SGIP1: variants seen among roughly 807,000 people sequenced by gnomAD.
SGIP1 encodes the protein SH3-containing GRB2-like protein 3-interacting protein 1.
In SGIP1, 38 loss-of-function variants were observed where a neutral mutation model predicts 107.5. The observed-to-expected ratio is 0.35, with a 90% CI of 0.27 to 0.46. The LOEUF (loss-of-function observed/expected upper bound fraction) is 0.46, where lower values mean the gene tolerates loss of function less well. SGIP1 is among the 20% of genes least tolerant of loss of function. SGIP1 has a pLI of 1.00. For synonymous variants in SGIP1, 365 were observed against 366.1 expected (o/e 1.00, Z 0.03); for missense variants, 929 against 1,019.5 (o/e 0.91, Z 1.21).
chr1:66,682,307 C>T lies in SGIP1; in HGVS notation c.1253C>T (p.Thr418Ile), dbSNP rs2086909216. 6.2e-7 allele frequency: 1 copy of T among 1,614,118 alleles called. No individual in the cohort carries two copies. The highest frequency in any genetic ancestry group is 1.7e-5 in the Admixed American group (1 of 60,014). The change falls in exon 15 of 25, where the codon ACC becomes ATC. Residue 418 changes from threonine to isoleucine, a missense_variant. Transcript: ENST00000371037. ...RATPPPPPPP[T>I]YRTVVSSPGP... ...ACTCCACCTCCCCCACCACCACCCACCTACAGGACTGTGGTTTCGTCCCCC... is the reference window on the plus strand; with the variant it reads ...ACTCCACCTCCCCCACCACCACCCATCTACAGGACTGTGGTTTCGTCCCCC...
chr1:66,733,076 C>G (rs907722110), intron 20 of SGIP1, among the ~76,000 whole-genome samples: 3 of 152,180 alleles, frequency 2.0e-5, no homozygotes, highest in Admixed American at 6.5e-5. Flanking sequence ...AAAGCTAAGA[C>G]TCTCATAGGG....
chr1:66,699,502 T>G (rs2091545105), intron 18 of SGIP1, among the ~76,000 whole-genome samples: 2 of 152,204 alleles, frequency 1.3e-5, no homozygotes, highest in African/African-American at 2.4e-5. Context: ...CTCTTGATTT[T>G]TGCTCCAAGA....
intron 1 of SGIP1, among the ~76,000 whole-genome samples, chr1:66,563,849 G>A (rs889070667): frequency 1.3e-5 from 2 of 152,000 alleles, no homozygotes; most frequent in Non-Finnish European, 2.9e-5. Context: ...CTAGCAAAGA[G>A]AAAGATGAAT....
chr1:66,568,819 C>G (rs1370417871), intron 1 of SGIP1, among the ~76,000 whole-genome samples: 3 of 151,784 alleles, frequency 2.0e-5, no homozygotes, highest in African/African-American at 4.8e-5. Flanking sequence ...ATTCAACATC[C>G]CTTCATGTTA....
intron 19 of SGIP1, among the ~76,000 whole-genome samples, chr1:66,724,996 T>C (rs2093692884): frequency 6.6e-6 from 1 of 152,186 alleles, no homozygotes; most frequent in Non-Finnish European, 1.5e-5. Context: ...TAGACTCAGC[T>C]TGAGGGGAAA....
chr1:66,638,606 T>A (rs2076223951), intron 4 of SGIP1, among the ~76,000 whole-genome samples: 1 of 152,176 alleles, frequency 6.6e-6, no homozygotes, highest in South Asian at 2.1e-4. Context: ...GAACACATTA[T>A]CTATTTCTTG....
chr1:66,713,653 ACTCCATAGG>A, intron 18 of SGIP1, among the ~76,000 whole-genome samples: 1 of 151,750 alleles, frequency 6.6e-6, no homozygotes, highest in East Asian at 1.9e-4. Context: ...TATACAATAA[ACTCCATAGG>A]GGGAAGGATA....
chr1:66,615,478 G>A (rs1429917840), intron 1 of SGIP1, among the ~76,000 whole-genome samples: 5 of 152,152 alleles, frequency 3.3e-5, no homozygotes, highest in Admixed American at 6.5e-5. Flanking sequence ...TAACTTGAAC[G>A]ATTAAATGAT....
intron 1 of SGIP1, among the ~76,000 whole-genome samples, chr1:66,579,041 C>A (rs6697088): frequency 1.3e-5 from 2 of 152,052 alleles, no homozygotes; most frequent in Non-Finnish European, 2.9e-5. Flanking sequence ...AGACACATCT[C>A]TAACCATGTG....
At chr1:66,615,173 T>G (rs1454543798) in intron 1 of SGIP1, among the ~76,000 whole-genome samples, 1 of 149,798 alleles carries the variant, frequency 6.7e-6, no homozygotes, top group Non-Finnish European at 1.5e-5. Flanking sequence ...TTGCTCTTGT[T>G]GCCCAGGCTG....
rs971851580 is a variant in SGIP1, at chr1:66,748,265, C to G, written c.*5170C>G. On this transcript the variant is annotated 3_prime_UTR_variant, in exon 25 of 25. Coordinates refer to ENST00000371037, the MANE Select transcript of SGIP1 (RefSeq NM_032291.4). Reference sequence around the variant, plus strand: ...AGGAAAATGAGATAGGAGTACATTGCTTAAGTCTCTAAATATTAAAAACAA... The same window carrying G: ...AGGAAAATGAGATAGGAGTACATTGGTTAAGTCTCTAAATATTAAAAACAA... The G allele has an allele frequency of 1.3e-5, 2 of 151,928 alleles. No individual in the cohort carries two copies. The highest frequency in any genetic ancestry group is 4.8e-5 in the African/African-American group (2 of 41,436). 9.4% of individuals were successfully genotyped at this position (151,928 alleles called of 1,614,324 possible).
Position 66,747,175 on chromosome 1 carries a change from A to G in SGIP1, c.*4080A>G, listed in dbSNP as rs1461372043. 1 of 152,104 alleles carries G rather than the reference A, an allele frequency of 6.6e-6. No homozygotes were observed. The highest frequency in any genetic ancestry group is 1.5e-5 in the Non-Finnish European group (1 of 67,924). The allele number at this position is 152,104 out of a possible 1,614,324, so 9.4% of individuals were successfully genotyped here. On this transcript the variant is annotated 3_prime_UTR_variant, in exon 25 of 25. Coordinates refer to ENST00000371037, the MANE Select transcript of SGIP1 (RefSeq NM_032291.4). ...ACACAGTAGGCATCGATAAATTTGT[A>G]TTGACAGCATAAACTTCTAGGGATG...
chr1:66,662,854 G>A (rs1479897736), intron 8 of SGIP1, among the ~76,000 whole-genome samples: 1 of 152,110 alleles, frequency 6.6e-6, no homozygotes, highest in Non-Finnish European at 1.5e-5. Flanking sequence ...AAAACAAGTA[G>A]ACCACTTGCA....
At chr1:66,653,936 C>T (rs1157788330) in intron 7 of SGIP1, among the ~76,000 whole-genome samples, 1 of 152,108 alleles carries the variant, frequency 6.6e-6, no homozygotes, top group Non-Finnish European at 1.5e-5. Context: ...TTTACAGAAG[C>T]CTACTTTGTG....
chr1:66,585,592 GTTTTGTTTTGT>G (rs1011487957), intron 1 of SGIP1, among the ~76,000 whole-genome samples: 1 of 149,066 alleles, frequency 6.7e-6, no homozygotes, highest in African/African-American at 2.5e-5. Context: ...GTGTGTGTGT[GTTTTGTTTTGT>G]TTTTGTTTTT....
intron 2 of SGIP1, among the ~76,000 whole-genome samples, chr1:66,627,066 C>T (rs1216040635): frequency 6.6e-6 from 1 of 152,058 alleles, no homozygotes; most frequent in Non-Finnish European, 1.5e-5. Flanking sequence ...AATGAGGTAA[C>T]ATATTTGAAA....
chr1:66,625,206 T>C (rs1350709832), intron 1 of SGIP1, among the ~76,000 whole-genome samples: 3 of 152,112 alleles, frequency 2.0e-5, no homozygotes, highest in Admixed American at 6.5e-5. Context: ...AGACATTTGG[T>C]CTGGGCCTTA....
chr1:66,720,308 A>T (rs921609156), intron 19 of SGIP1, among the ~76,000 whole-genome samples: 1 of 152,252 alleles, frequency 6.6e-6, no homozygotes, highest in African/African-American at 2.4e-5. Context: ...TATTTTCAAT[A>T]GTGTCATTAA....
At chr1:66,669,468 G>A (rs188097425) in intron 9 of SGIP1, among the ~76,000 whole-genome samples, 4 of 152,242 alleles carry the variant, frequency 2.6e-5, no homozygotes, top group African/African-American at 9.6e-5. Context: ...TGACTGCTTG[G>A]AACTAAAGCC....
Sources: allele counts gnomAD v4.1 joint callset (sites outside exome capture counted in the v4.1 genomes callset), GRCh38; gene constraint gnomAD v4.1.1; transcripts MANE v1.5; gene names NCBI Gene and HGNC (gene_info 2026-07-23, HGNC 2026-07-21).